Variants in PACRG observed in about 807,000 individuals in gnomAD.
PACRG encodes the protein parkin coregulated gene protein.
A neutral mutation model predicts 29.7 loss-of-function variants in PACRG; 29 were observed. That is an observed-to-expected ratio of 0.98 (90% CI 0.73 to 1.33). The LOEUF is 1.33. Among genes scored for constraint, PACRG ranks in the 40% most tolerant of loss-of-function variants. The pLI is 0.00. For synonymous variants in PACRG, 116 were observed against 118.7 expected, an observed-to-expected ratio of 0.98 and a Z score of 0.15; for missense variants, 279 against 316.2, an observed-to-expected ratio of 0.88 and a Z score of 0.89.
At chr6:163,314,037 A>G (rs1785546226) in intron 4 of PACRG, among the ~76,000 whole-genome samples, 1 of 152,182 alleles carries the variant, frequency 6.6e-6, no homozygotes, top group South Asian at 2.1e-4. Flanking sequence ...TGTGGTGTAG[A>G]GGAGAGGCTC....
chr6:163,276,277 C>T (rs1438381261), intron 4 of PACRG, among the ~76,000 whole-genome samples: 1 of 152,146 alleles, frequency 6.6e-6, no homozygotes, highest in Non-Finnish European at 1.5e-5. Flanking sequence ...ATCTTTCCTC[C>T]TTGGCCTCCC....
At chr6:163,301,934 C>T (rs191491926) in intron 4 of PACRG, among the ~76,000 whole-genome samples, 269 of 152,312 alleles carry the variant, frequency 1.8e-3, no homozygotes, top group African/African-American at 5.3e-3. Context: ...AGCACGCCTC[C>T]GCCCCTCAGG....
At chr6:162,786,420 C>G (rs917208063) in intron 1 of PACRG, among the ~76,000 whole-genome samples, 1 of 152,184 alleles carries the variant, frequency 6.6e-6, no homozygotes, top group African/African-American at 2.4e-5. Context: ...TTAGATATAT[C>G]TATTTTATTC....
At chr6:163,112,662 A>G (rs1815777060) in intron 4 of PACRG, among the ~76,000 whole-genome samples, 1 of 152,234 alleles carries the variant, frequency 6.6e-6, no homozygotes, top group African/African-American at 2.4e-5. Context: ...ATGCCCAAGG[A>G]AAGGCACAGG....
chr6:163,050,213 C>A (rs1248940330), intron 2 of PACRG, among the ~76,000 whole-genome samples: 1 of 151,824 alleles, frequency 6.6e-6, no homozygotes, highest in African/African-American at 2.4e-5. Context: ...CTGTTTTTTT[C>A]ATTCCCTCTT....
At chr6:162,864,026 C>A (rs1344794697) in intron 2 of PACRG, among the ~76,000 whole-genome samples, 1 of 152,124 alleles carries the variant, frequency 6.6e-6, no homozygotes, top group Non-Finnish European at 1.5e-5. Context: ...AAGGAATTTT[C>A]CATCCTCTCA....
At chr6:163,213,310 A>AAT (rs1462800153) in intron 4 of PACRG, among the ~76,000 whole-genome samples, 7 of 151,868 alleles carry the variant, frequency 4.6e-5, no homozygotes, top group Non-Finnish European at 1.5e-5. Context: ...GTCAAGGAAA[A>AAT]AAAAAACAAA....
At chr6:162,809,961 G>A (rs745676242) in intron 1 of PACRG, among the ~76,000 whole-genome samples, 21 of 152,166 alleles carry the variant, frequency 1.4e-4, no homozygotes, top group African/African-American at 4.1e-4. Flanking sequence ...ACTTAGTGAC[G>A]AAAGAGTTGT....
chr6:163,135,231 T>C (rs1476568206), intron 4 of PACRG, among the ~76,000 whole-genome samples: 3 of 151,862 alleles, frequency 2.0e-5, no homozygotes, highest in East Asian at 3.9e-4. Context: ...TTCTGTTGCC[T>C]GGGCTGGAGT....
chr6:162,864,109 C>T (rs571569279), intron 2 of PACRG, among the ~76,000 whole-genome samples: 14 of 152,172 alleles, frequency 9.2e-5, no homozygotes, highest in African/African-American at 2.2e-4. Flanking sequence ...TAAATCTCAC[C>T]GTCCAATAAT....
At position 162,777,012 on chromosome 6, in the gene PACRG, C is replaced by T. The variant is rs1026492617; in HGVS notation, c.157-37135C>T. 6.6e-6 allele frequency among the ~76,000 whole-genome samples: 1 copy of T among 152,152 alleles called. No individual in the cohort carries two copies. The highest frequency in any genetic ancestry group is 2.4e-5 in the African/African-American group (1 of 41,438). On this transcript the variant is annotated intron_variant, in intron 1 of 4. Coordinates refer to ENST00000366888, the MANE Select transcript of PACRG (RefSeq NM_001080379.2). The surrounding 1 kb of genome is among the most constrained non-coding windows in gnomAD (Gnocchi z 4.0). ...GCTCAGGTGCTGGGTGCACCTGAAT[C>T]TCCGAAATCACCACTAAAGAACTTA... is the stretch of plus-strand genomic sequence containing the variant.
chr6:163,253,527 A>G (rs1782990913), intron 4 of PACRG, among the ~76,000 whole-genome samples: 1 of 152,060 alleles, frequency 6.6e-6, no homozygotes, highest in South Asian at 2.1e-4. Context: ...GAAATTGGAG[A>G]TTGTCTATCT....
intron 1 of PACRG, among the ~76,000 whole-genome samples, chr6:162,806,706 G>A (rs1454073908): frequency 6.6e-6 from 1 of 152,116 alleles, no homozygotes; most frequent in East Asian, 1.9e-4. Flanking sequence ...CAGAGTACAG[G>A]AAGCATAGAT....
chr6:163,236,307 C>G (rs201751522), intron 4 of PACRG, among the ~76,000 whole-genome samples: 1 of 152,152 alleles, frequency 6.6e-6, no homozygotes, highest in South Asian at 2.1e-4. Flanking sequence ...TTGAGCTGGC[C>G]TTCTTCTGAA....
chr6:162,852,649 A>G (rs1791020542), intron 2 of PACRG, among the ~76,000 whole-genome samples: 1 of 152,186 alleles, frequency 6.6e-6, no homozygotes, highest in South Asian at 2.1e-4. Flanking sequence ...GTGGCTGAAT[A>G]CTAATTTATT....
chr6:162,776,618 T>A (rs1238896477), intron 1 of PACRG, among the ~76,000 whole-genome samples: 1 of 152,134 alleles, frequency 6.6e-6, no homozygotes, highest in Non-Finnish European at 1.5e-5. Flanking sequence ...TGACCCAGGC[T>A]CCAACCTGCT....
chr6:163,061,642 G>A (rs1362631596), intron 2 of PACRG, among the ~76,000 whole-genome samples: 1 of 152,150 alleles, frequency 6.6e-6, no homozygotes, highest in African/African-American at 2.4e-5. Context: ...AACAAGCCAG[G>A]AATCATGCTT....
intron 1 of PACRG, among the ~76,000 whole-genome samples, chr6:162,748,654 A>G (rs1781280666): frequency 6.6e-6 from 1 of 152,140 alleles, no homozygotes; most frequent in African/African-American, 2.4e-5. Context: ...TTAACAGGTA[A>G]AGTATAGAAA....
chr6:162,738,687 T>A (rs1780350570), intron 1 of PACRG, among the ~76,000 whole-genome samples: 1 of 152,198 alleles, frequency 6.6e-6, no homozygotes. Flanking sequence ...GAATGTAATA[T>A]TTTAACTGTG....
Sources: gnomAD v4.1 joint callset for allele counts (sites outside exome capture counted in the v4.1 genomes callset) on GRCh38, gnomAD v4.1.1 for gene constraint, Gnocchi (gnomAD v3.1) non-coding constraint, MANE v1.5 for transcripts, NCBI Gene and HGNC (gene_info 2026-07-23, HGNC 2026-07-21) for gene names.